Variants in SDK1 observed in about 807,000 individuals in gnomAD.
SDK1 encodes sidekick cell adhesion molecule 1, also known as protein sidekick-1.
Under a neutral mutation model 245.5 loss-of-function variants are expected in SDK1, and 157 were observed. That is an observed-to-expected ratio of 0.64 (90% CI 0.56 to 0.73). The LOEUF (loss-of-function observed/expected upper bound fraction) is 0.73, where lower values mean the gene tolerates loss of function less well. SDK1 is among the 30% of genes least tolerant of loss of function. The probability of loss-of-function intolerance (pLI) is 0.00; values close to 1 mark genes in which losing one functional copy is unlikely to be tolerated. For synonymous variants in SDK1, 1,647 were observed against 1,278.5 expected (o/e 1.29, Z -6.15); for missense variants, 3,583 against 3,002.3 (o/e 1.19, Z -4.52).
chr7:3,554,150 A>G (rs1173951099), intron 1 of SDK1, among the ~76,000 whole-genome samples: 1 of 152,196 alleles, frequency 6.6e-6, no homozygotes, highest in Non-Finnish European at 1.5e-5. Context: ...GAAACCACAG[A>G]ATACATAGTC....
chr7:4,152,569 G>A (rs1780457115), intron 30 of SDK1, among the ~76,000 whole-genome samples: 1 of 152,212 alleles, frequency 6.6e-6, no homozygotes, highest in African/African-American at 2.4e-5. Flanking sequence ...GCAAGGAGAG[G>A]TCCATGTTTC....
At chr7:3,838,819 G>A (rs760035205) in intron 5 of SDK1, among the ~76,000 whole-genome samples, 2 of 150,082 alleles carry the variant, frequency 1.3e-5, no homozygotes, top group Admixed American at 6.6e-5. Flanking sequence ...CTTTCTTATA[G>A]TAGAGAAATC....
intron 5 of SDK1, among the ~76,000 whole-genome samples, chr7:3,914,187 C>A (rs373742533): frequency 6.6e-6 from 1 of 152,210 alleles, no homozygotes; most frequent in Non-Finnish European, 1.5e-5. Context: ...ATGCCTTTAT[C>A]ATAATTAGGT....
chr7:3,816,422 C>T (rs1219668905), intron 4 of SDK1, among the ~76,000 whole-genome samples: 12 of 148,092 alleles, frequency 8.1e-5, no homozygotes, highest in Admixed American at 2.7e-4. Context: ...ATATCACCAC[C>T]GATCCCACAG....
At chr7:3,769,936 C>CTGTGTGTGTGTG (rs34066132) in intron 4 of SDK1, among the ~76,000 whole-genome samples, 4 of 144,650 alleles carry the variant, frequency 2.8e-5, no homozygotes, top group African/African-American at 5.1e-5. Flanking sequence ...TACTTATTGT[C>CTGTGTGTGTGTG]TGTGTGTGTG....
intron 35 of SDK1, among the ~76,000 whole-genome samples, chr7:4,191,193 C>T (rs1446351488): frequency 1.8e-4 from 27 of 152,052 alleles, no homozygotes; most frequent in Non-Finnish European, 1.0e-4. Context: ...TCATGGCCCC[C>T]AGGCCCTCCC....
At chr7:3,827,189 C>T (rs977420262) in intron 5 of SDK1, among the ~76,000 whole-genome samples, 2 of 152,168 alleles carry the variant, frequency 1.3e-5, no homozygotes, top group African/African-American at 2.4e-5. Context: ...GCTCAATATG[C>T]CCGGTTTCCC....
At chr7:3,457,309 C>G (rs1780701376) in intron 1 of SDK1, among the ~76,000 whole-genome samples, 1 of 152,142 alleles carries the variant, frequency 6.6e-6, no homozygotes, top group Admixed American at 6.5e-5. Flanking sequence ...TCTTGGCCTT[C>G]CTAACCAGTT....
Position 3,494,769 on chromosome 7 carries a change from T to A in SDK1, c.299-124311T>A, listed in dbSNP as rs116406695. On this transcript the variant is annotated intron_variant, in intron 1 of 44. Transcript: ENST00000404826. ...AAATGTTTGTTAAGTTTTGGCTAATTAGGTCACCTCATTGGTTGATTATGC... is the reference window on the plus strand; with the variant it reads ...AAATGTTTGTTAAGTTTTGGCTAATAAGGTCACCTCATTGGTTGATTATGC... Among the ~76,000 whole-genome samples the A allele has an allele frequency of 2.4e-3, 363 of 152,334 alleles. 4 individuals carry two copies. Among genetic ancestry groups the A allele is most frequent in the African/African-American group, 8.5e-3 (353 of 41,580 alleles).
chr7:3,553,611 A>G (rs963004949), intron 1 of SDK1, among the ~76,000 whole-genome samples: 2 of 152,184 alleles, frequency 1.3e-5, no homozygotes, highest in African/African-American at 4.8e-5. Flanking sequence ...AATGGAAGCA[A>G]GCAAGCAGCC....
At chr7:3,354,869 A>T (rs1780751303) in intron 1 of SDK1, among the ~76,000 whole-genome samples, 1 of 152,250 alleles carries the variant, frequency 6.6e-6, no homozygotes, top group Admixed American at 6.5e-5. Flanking sequence ...AAGTGTACGT[A>T]CTTGATCACG....
intron 5 of SDK1, among the ~76,000 whole-genome samples, chr7:3,949,609 G>A (rs1020747334): frequency 2.6e-5 from 4 of 152,030 alleles, no homozygotes; most frequent in South Asian, 2.1e-4. Flanking sequence ...TTACATCTCC[G>A]CCCTTTATTG....
intron 4 of SDK1, among the ~76,000 whole-genome samples, chr7:3,780,470 C>T (rs1272906542): frequency 1.3e-5 from 2 of 152,170 alleles, no homozygotes; most frequent in Non-Finnish European, 2.9e-5. Context: ...AGCTGTGGCT[C>T]CCAATAGCAG....
chr7:3,305,256 CCTCAGACCAGTTGGTT>C lies in SDK1; in HGVS notation c.298+3379_298+3394del, dbSNP rs1779387394. 5.9e-5 allele frequency among the ~76,000 whole-genome samples: 9 copies of C among 152,328 alleles called. No individual in the cohort carries two copies. The South Asian group carries it at 1.9e-3, about 32-fold the overall frequency. On this transcript the variant is annotated intron_variant, in intron 1 of 44. Coordinates refer to ENST00000404826, the MANE Select transcript of SDK1 (RefSeq NM_152744.4). ...TTAAAATACAGTTATCTGGACTCCA[CCTCAGACCAGTTGGTT>C]CTCAGAAGCATGCATTTAAAAACTC...
chr7:3,470,207 CCTT>C (rs1016949846), intron 1 of SDK1, among the ~76,000 whole-genome samples: 7 of 152,090 alleles, frequency 4.6e-5, no homozygotes, highest in Admixed American at 1.3e-4. Context: ...CTCCTTTCTC[CCTT>C]CTTCTCTCCC....
chr7:3,346,590 C>A (rs1424160941), intron 1 of SDK1, among the ~76,000 whole-genome samples: 1 of 150,650 alleles, frequency 6.6e-6, no homozygotes, highest in East Asian at 1.9e-4. Context: ...CATGACTCAA[C>A]TGCAGTCTCC....
intron 11 of SDK1, among the ~76,000 whole-genome samples, chr7:3,971,063 A>G (rs1782453381): frequency 6.6e-6 from 1 of 152,210 alleles, no homozygotes; most frequent in African/African-American, 2.4e-5. Context: ...AGGAATAAAC[A>G]CAACTCAAAC....
In SDK1 at chr7:4,045,112, T is replaced by G. The variant is rs73300995; in HGVS notation, c.2603-4236T>G. Among the ~76,000 whole-genome samples the G allele has an allele frequency of 7.2e-3, 1,096 of 152,344 alleles. 8 individuals carry two copies. The highest frequency in any genetic ancestry group is 0.025 in the African/African-American group (1,050 of 41,580). On this transcript the variant is annotated intron_variant, in intron 17 of 44. Coordinates refer to ENST00000404826, the MANE Select transcript of SDK1 (RefSeq NM_152744.4). ...TCATGCGTATAAGTATTTTGTTCCCTTCTACTACTGAGCAGCATCCCATTC... is the reference window on the plus strand; with the variant it reads ...TCATGCGTATAAGTATTTTGTTCCCGTCTACTACTGAGCAGCATCCCATTC...
At chr7:3,380,456 G>A (rs1309973090) in intron 1 of SDK1, among the ~76,000 whole-genome samples, 1 of 152,186 alleles carries the variant, frequency 6.6e-6, no homozygotes, top group African/African-American at 2.4e-5. Context: ...TGAGACTGAA[G>A]TGTCTGCAGA....
Sources: allele counts gnomAD v4.1 joint callset (sites outside exome capture counted in the v4.1 genomes callset), GRCh38; gene constraint gnomAD v4.1.1; transcripts MANE v1.5; gene names NCBI Gene and HGNC (gene_info 2026-07-23, HGNC 2026-07-21).